The following ARHGEF10L variants were observed in gnomAD, a reference collection of about 807,000 sequenced individuals.
ARHGEF10L encodes the protein rho guanine nucleotide exchange factor 10-like protein.
A neutral mutation model predicts 141.2 loss-of-function variants in ARHGEF10L; 69 were observed. The ratio of observed to expected loss-of-function variants is 0.49; its 90% CI spans 0.40 to 0.60. The LOEUF (loss-of-function observed/expected upper bound fraction) is 0.60. ARHGEF10L is among the 20% of genes least tolerant of loss of function. ARHGEF10L has a pLI of 0.00. For synonymous variants in ARHGEF10L, 711 were observed against 718.5 expected (o/e 0.99, Z 0.17); for missense variants, 1,482 against 1,734.3 (o/e 0.85, Z 2.58).
At chr1:17,675,171 T>C (rs1167838560) in intron 26 of ARHGEF10L, among the ~76,000 whole-genome samples, 1 of 152,214 alleles carries the variant, frequency 6.6e-6, no homozygotes, top group Non-Finnish European at 1.5e-5. Context: ...GCATCAATTC[T>C]GACCTTTCTT....
At chr1:17,648,978 C>T (rs942044958) in intron 22 of ARHGEF10L, among the ~76,000 whole-genome samples, 13 of 152,330 alleles carry the variant, frequency 8.5e-5, no homozygotes, top group African/African-American at 1.9e-4. Flanking sequence ...CATGCCGAAG[C>T]GGCTGTGCCA....
chr1:17,600,518 T>G (rs2080544195), intron 4 of ARHGEF10L, among the ~76,000 whole-genome samples: 1 of 152,220 alleles, frequency 6.6e-6, no homozygotes, highest in Non-Finnish European at 1.5e-5. Flanking sequence ...CCAGCTTCCC[T>G]GCTATGAGCA....
In ARHGEF10L at chr1:17,587,609, C is replaced by A. The variant is rs1483204681; in HGVS notation, c.187C>A (p.Pro63Thr). The stretch of plus-strand genomic sequence containing the variant: ...CCTTGCTCCTGAGAGGGACACAGAC[C>A]CCCCACTGATCCACTTGGACTCCAT... ...PSLAPERDTD[P>T]PLIHLDSIPV... Residue 63 changes from proline (P) to threonine (T), a missense_variant, in exon 3 of 29, where the codon CCC (proline) becomes ACC (threonine). Physicochemically the swap from Pro to Thr is conservative, Grantham distance 38 (BLOSUM62 -1). Transcript: ENST00000361221. The A allele has an allele frequency of 1.9e-6, 3 of 1,613,898 alleles. No homozygotes were observed. Among genetic ancestry groups the A allele is most frequent in the South Asian group, 1.1e-5 (1 of 91,050 alleles).
the ARHGEF10L span, among the ~76,000 whole-genome samples, chr1:17,516,746 A>C: frequency 6.6e-6 from 1 of 152,166 alleles, no homozygotes; most frequent in South Asian, 2.1e-4. Flanking sequence ...CCCCAGAACA[A>C]GGGAACCTGG....
Position 17,640,725 on chromosome 1 carries a change from G to A in ARHGEF10L, c.2272+423G>A, listed in dbSNP as rs145798640. Among the ~76,000 whole-genome samples, 198 of 152,278 alleles carry A rather than the reference G, an allele frequency of 1.3e-3. 1 individual carries two copies. Among genetic ancestry groups the A allele is most frequent in the East Asian group, 2.5e-3 (13 of 5,188 alleles). On this transcript the variant is annotated intron_variant, in intron 21 of 28. Transcript: ENST00000361221. The stretch of plus-strand genomic sequence containing the variant: ...TGGCGTGTGCACTTTAAAAGGATGC[G>A]TTTTATGGTAACTGGATTGTATCTC...
chr1:17,550,847 G>T (rs968512707), intron 1 of ARHGEF10L, among the ~76,000 whole-genome samples: 1 of 152,076 alleles, frequency 6.6e-6, no homozygotes. Context: ...TGGAGGAGGA[G>T]GAGCCAGGGC....
At chr1:17,543,583 C>CA (rs199606320) in intron 1 of ARHGEF10L, among the ~76,000 whole-genome samples, 11,863 of 146,332 alleles carry the variant, frequency 0.081, 507 homozygotes, top group African/African-American at 0.11. Flanking sequence ...AACTCCGTCT[C>CA]AAAAAAAAAA....
intron 1 of ARHGEF10L, among the ~76,000 whole-genome samples, chr1:17,566,755 T>C (rs532262223): frequency 3.2e-4 from 49 of 152,280 alleles, no homozygotes; most frequent in African/African-American, 8.7e-4. Flanking sequence ...CCCGGTATTC[T>C]CCTTCACCTC....
intron 7 of ARHGEF10L, among the ~76,000 whole-genome samples, chr1:17,611,728 A>G (rs1223853996): frequency 6.6e-6 from 1 of 152,162 alleles, no homozygotes; most frequent in Non-Finnish European, 1.5e-5. Flanking sequence ...TATTATGGCC[A>G]CTTTACCAGT....
At chr1:17,642,097 G>C (rs2061360544) in intron 21 of ARHGEF10L, among the ~76,000 whole-genome samples, 1 of 152,148 alleles carries the variant, frequency 6.6e-6, no homozygotes, top group Non-Finnish European at 1.5e-5. Flanking sequence ...GAAGAATAAT[G>C]ACAAAAACAG....
chr1:17,625,881 G>T lies in ARHGEF10L; in HGVS notation c.1318-75G>T. On this transcript the variant is annotated intron_variant, in intron 13 of 28. Coordinates refer to ENST00000361221, the MANE Select transcript of ARHGEF10L (RefSeq NM_018125.4). The surrounding 1 kb of genome is among the most constrained non-coding windows in gnomAD (Gnocchi z 4.5). ...CCTGGGGAGAGGAGCCCAGAATGGG[G>T]ACAGTGTCTGGACTCTGGGGCACTG... 1 of 1,312,990 alleles carries T rather than the reference G, an allele frequency of 7.6e-7. No individual in the cohort carries two copies. The highest frequency in any genetic ancestry group is 1.1e-6 in the Non-Finnish European group (1 of 916,752). The allele number at this position is 1,312,990 out of a possible 1,614,324, so 81.3% of individuals were successfully genotyped here. A position where few individuals can be genotyped will look rare whatever the true frequency, so the allele number is the denominator to read the frequency against.
upstream of ARHGEF10L, among the ~76,000 whole-genome samples, chr1:17,537,038 T>TTTTTATTTTA (rs149201327): frequency 6.8e-6 from 1 of 147,680 alleles, no homozygotes; most frequent in African/African-American, 2.5e-5. Flanking sequence ...TCTGGCTAGA[T>TTTTTATTTTA]TTTTATTTTA....
At chr1:17,662,712 T>G (rs1292629768) in intron 25 of ARHGEF10L, among the ~76,000 whole-genome samples, 5 of 142,240 alleles carry the variant, frequency 3.5e-5, no homozygotes, top group South Asian at 2.2e-4. Flanking sequence ...GGGGAGGGGG[T>G]GGGAGTCTAG....
intron 15 of ARHGEF10L, among the ~76,000 whole-genome samples, 160 bp from the exon 16 acceptor site, chr1:17,632,161 A>T (rs2060731595): frequency 6.6e-6 from 1 of 152,084 alleles, no homozygotes; most frequent in Non-Finnish European, 1.5e-5. Context: ...CTTCCTCCCC[A>T]GTGCATCTTG....
chr1:17,600,399 C>CTCTGT (rs1305333553), intron 4 of ARHGEF10L, among the ~76,000 whole-genome samples: 4 of 152,124 alleles, frequency 2.6e-5, no homozygotes, highest in African/African-American at 7.2e-5. Context: ...GGTCTTTGGT[C>CTCTGT]TTTGTTTTGT....
chr1:17,663,866 G>A (rs1195041640), intron 25 of ARHGEF10L, among the ~76,000 whole-genome samples: 1 of 152,172 alleles, frequency 6.6e-6, no homozygotes, highest in Non-Finnish European at 1.5e-5. Context: ...CCCGATTCCG[G>A]GTCCAGGACA....
chr1:17,522,249 C>G, the ARHGEF10L span, among the ~76,000 whole-genome samples: 1 of 152,188 alleles, frequency 6.6e-6, no homozygotes, highest in Non-Finnish European at 1.5e-5. Context: ...CCTTGCCCGT[C>G]TATTTAGGGG....
intron 25 of ARHGEF10L, among the ~76,000 whole-genome samples, chr1:17,657,978 G>A (rs565223751): frequency 2.0e-5 from 3 of 152,352 alleles, no homozygotes; most frequent in African/African-American, 7.2e-5. Flanking sequence ...CAGACATGTA[G>A]CGTCGCATAT....
chr1:17,614,667 C>G (rs1466684559), intron 8 of ARHGEF10L, among the ~76,000 whole-genome samples: 3 of 151,916 alleles, frequency 2.0e-5, no homozygotes, highest in Non-Finnish European at 4.4e-5. Context: ...TTCTCAAAGG[C>G]CTCTATGATT....
Sources: allele counts gnomAD v4.1 joint callset (sites outside exome capture counted in the v4.1 genomes callset), GRCh38; gene constraint gnomAD v4.1.1; non-coding constraint Gnocchi (gnomAD v3.1); transcripts MANE v1.5; gene names NCBI Gene and HGNC (gene_info 2026-07-23, HGNC 2026-07-21).